The following COL11A1 variants were observed in gnomAD, a reference collection of about 807,000 sequenced individuals.
COL11A1 encodes the protein collagen alpha-1(XI) chain.
COL11A1 carries 74 observed loss-of-function variants against 265.2 expected under a neutral mutation model. The observed-to-expected ratio is 0.28, with a 90% CI of 0.23 to 0.34. The LOEUF is 0.34. Among genes scored for constraint, COL11A1 ranks in the 10% least tolerant of loss-of-function variants. The pLI, the probability that COL11A1 is intolerant of heterozygous loss-of-function variation, is 1.00. For synonymous variants in COL11A1, 816 were observed against 727.6 expected (o/e 1.12, Z -1.96); for missense variants, 2,165 against 2,263.6 (o/e 0.96, Z 0.88).
intron 16 of COL11A1, 57 bp from the exon 17 acceptor site, chr1:103,006,178 A>AAAAGAAATAAAT: frequency 1.0e-6 from 1 of 953,074 alleles, no homozygotes; most frequent in African/African-American, 1.6e-5. Context: ...GCAAGGAAGT[A>AAAAGAAATAAAT]AAATAAATAA....
rs1570998773 is a variant in COL11A1, at chr1:103,002,802, G to T, written c.1999-11C>A. 6.2e-7 allele frequency: 1 copy of T among 1,611,848 alleles called. No individual in the cohort carries two copies. The highest frequency in any genetic ancestry group is 1.7e-4 in the Middle Eastern group (1 of 6,046). On this transcript the variant is annotated splice_polypyrimidine_tract_variant and intron_variant, in intron 21 of 66. Coordinates refer to ENST00000370096, the MANE Select transcript of COL11A1 (RefSeq NM_001854.4). ...TACACCTGCCATACCCTGCAATGAA[G>T]AAAAAGTATTTATGGTTGTTTATAT...
chr1:102,938,908 G>A (rs1658425910), intron 44 of COL11A1, 127 bp downstream of exon 44: 1 of 777,198 alleles, frequency 1.3e-6, no homozygotes, highest in South Asian at 1.4e-5. Context: ...TAACTGCAGA[G>A]GTAATGTAGT....
At chr1:102,903,571 C>A (rs1266687880) in intron 54 of COL11A1, among the ~76,000 whole-genome samples, 1 of 152,058 alleles carries the variant, frequency 6.6e-6, no homozygotes, top group African/African-American at 2.4e-5. Flanking sequence ...TAAAGGGAAA[C>A]AGATTGTAAG....
chr1:102,916,785 T>C (rs1655385200), intron 49 of COL11A1, among the ~76,000 whole-genome samples: 1 of 151,906 alleles, frequency 6.6e-6, no homozygotes, highest in African/African-American at 2.4e-5. Context: ...TCTCTCAAGA[T>C]GAACAGCAAA....
chr1:103,096,216 T>A (rs779678546), intron 1 of COL11A1, among the ~76,000 whole-genome samples: 8 of 151,886 alleles, frequency 5.3e-5, no homozygotes, highest in African/African-American at 4.8e-5. Context: ...CTCACTCGAG[T>A]GGAATCAGGC....
chr1:103,025,109 C>A (rs753717687), intron 7 of COL11A1, among the ~76,000 whole-genome samples: 21 of 152,108 alleles, frequency 1.4e-4, no homozygotes, highest in African/African-American at 4.6e-4. Context: ...TCATAAAATG[C>A]ATGATTATTC....
chr1:103,062,620 T>G (rs1670759672), intron 4 of COL11A1, among the ~76,000 whole-genome samples: 1 of 151,982 alleles, frequency 6.6e-6, no homozygotes, highest in Non-Finnish European at 1.5e-5. Flanking sequence ...AAATACAGCA[T>G]TCATTCATGA....
chr1:103,054,618 C>T (rs1247882802), intron 4 of COL11A1, among the ~76,000 whole-genome samples: 2 of 151,750 alleles, frequency 1.3e-5, no homozygotes, highest in African/African-American at 2.4e-5. Flanking sequence ...AAAAAGCCAA[C>T]AGGTCAGGCA....
intron 54 of COL11A1, among the ~76,000 whole-genome samples, chr1:102,899,287 CCT>C (rs1182475664): frequency 2.0e-5 from 3 of 151,774 alleles, no homozygotes; most frequent in African/African-American, 4.8e-5. Context: ...AAATCGCCAC[CCT>C]GAGTGTGTTA....
intron 57 of COL11A1, among the ~76,000 whole-genome samples, chr1:102,893,028 T>A (rs183034048): frequency 6.6e-6 from 1 of 152,282 alleles, no homozygotes; most frequent in Admixed American, 6.5e-5. Context: ...CAAATTCACT[T>A]TCAAGTATAT....
chr1:103,012,345 A>G (rs2101890130), intron 14 of COL11A1, 68 bp downstream of exon 14: 3 of 1,133,624 alleles, frequency 2.6e-6, no homozygotes, highest in Non-Finnish European at 4.0e-6. Context: ...CAATCCCTGG[A>G]AGAAGTTGCA....
chr1:102,959,902 T>G (rs1006862250), intron 41 of COL11A1, among the ~76,000 whole-genome samples: 5 of 152,184 alleles, frequency 3.3e-5, no homozygotes, highest in Non-Finnish European at 7.4e-5. Context: ...GCTCAGATGA[T>G]TAGTTCAGTG....
At chr1:102,894,799 A>C (rs1652208764) in intron 57 of COL11A1, among the ~76,000 whole-genome samples, 1 of 152,074 alleles carries the variant, frequency 6.6e-6, no homozygotes. Context: ...TTTTTGAAAC[A>C]GAGTCTCGCT....
At chr1:103,087,214 T>G (rs1039779916) in intron 1 of COL11A1, among the ~76,000 whole-genome samples, 5 of 152,248 alleles carry the variant, frequency 3.3e-5, no homozygotes, top group African/African-American at 9.6e-5. Flanking sequence ...GCAATTCAGA[T>G]GTATCCAATT....
At chr1:102,900,474 A>T (rs895188797) in intron 54 of COL11A1, among the ~76,000 whole-genome samples, 2 of 152,168 alleles carry the variant, frequency 1.3e-5, no homozygotes, top group African/African-American at 4.8e-5. Flanking sequence ...AGAAATAATG[A>T]CATTCAATGA....
At chr1:103,040,649 TG>T (rs1668738175) in intron 4 of COL11A1, among the ~76,000 whole-genome samples, 1 of 151,622 alleles carries the variant, frequency 6.6e-6, no homozygotes, top group Admixed American at 6.6e-5. Context: ...AAACATTTGT[TG>T]TCCAAAATAA....
At chr1:103,085,105 C>T (rs1382552718) in intron 1 of COL11A1, among the ~76,000 whole-genome samples, 2 of 152,126 alleles carry the variant, frequency 1.3e-5, no homozygotes, top group African/African-American at 4.8e-5. Context: ...AGGAGCATGT[C>T]CTCCCACCAT....
intron 25 of COL11A1, among the ~76,000 whole-genome samples, chr1:102,997,672 A>C (rs1367863649): frequency 1.3e-5 from 2 of 152,030 alleles, no homozygotes; most frequent in African/African-American, 2.4e-5. Flanking sequence ...CTTATATCCT[A>C]GTACTACAAA....
In COL11A1 at chr1:102,933,522, G is replaced by A. The variant is rs557662704; in HGVS notation, c.3600+927C>T. ...CTTTCAGACAGGGACATTTAAGTCTGCAGAGGTTACTGTTGTCTTGTTTGT... is the reference window on the plus strand; with the variant it reads ...CTTTCAGACAGGGACATTTAAGTCTACAGAGGTTACTGTTGTCTTGTTTGT... On this transcript the variant is annotated intron_variant, in intron 46 of 66. Coordinates refer to ENST00000370096, the MANE Select transcript of COL11A1 (RefSeq NM_001854.4). 2.6e-5 allele frequency among the ~76,000 whole-genome samples: 4 copies of A among 152,232 alleles called. No individual in the cohort carries two copies. In the South Asian group the frequency reaches 8.3e-4, roughly 32 times the overall value.
Sources: allele counts gnomAD v4.1 joint callset (sites outside exome capture counted in the v4.1 genomes callset), GRCh38; gene constraint gnomAD v4.1.1; transcripts MANE v1.5; gene names NCBI Gene and HGNC (gene_info 2026-07-23, HGNC 2026-07-21).